The following CNTNAP2 variants were observed in gnomAD, a reference collection of about 807,000 sequenced individuals.
The protein encoded by CNTNAP2 is contactin-associated protein-like 2.
Under a neutral mutation model 155.2 loss-of-function variants are expected in CNTNAP2, and 98 were observed. That is an observed-to-expected ratio of 0.63 (90% CI 0.54 to 0.75). The LOEUF (loss-of-function observed/expected upper bound fraction) is 0.75, where lower values mean the gene tolerates loss of function less well. Among genes scored for constraint, CNTNAP2 ranks in the 30% least tolerant of loss-of-function variants. CNTNAP2 has a pLI of 0.00. For missense variants in CNTNAP2, 1,727 were observed against 1,688.1 expected, an observed-to-expected ratio of 1.02 and a Z score of -0.40; for synonymous variants, 651 against 631.2, an observed-to-expected ratio of 1.03 and a Z score of -0.47.
At chr7:147,980,251 C>T (rs1801498240) in intron 15 of CNTNAP2, among the ~76,000 whole-genome samples, 1 of 138,032 alleles carries the variant, frequency 7.2e-6, no homozygotes, top group Middle Eastern at 3.2e-3. Flanking sequence ...AGGTGTATTT[C>T]AGGCAGACTT....
At position 147,121,039 on chromosome 7, in the gene CNTNAP2, A is replaced by G. The variant is rs772500302; in HGVS notation, c.815A>G (p.Asp272Gly). 5.0e-6 allele frequency: 8 copies of G among 1,613,926 alleles called. No homozygotes were observed. The highest frequency in any genetic ancestry group is 5.9e-6 in the Non-Finnish European group (7 of 1,180,010). ...HTSVMTGSLLDDHHWHSVVIE... is the reference protein window; with the variant it reads ...HTSVMTGSLLGDHHWHSVVIE... ...TCAGTGATGACAGGAAGTTTGCTGG[A>G]TGACCACCACTGGCACTCTGTGGTC... Residue 272 changes from aspartate to glycine, a missense_variant, in exon 6 of 24, where the codon GAT becomes GGT. Transcript: ENST00000361727.
chr7:148,179,289 A>T (rs1015015609), intron 18 of CNTNAP2, among the ~76,000 whole-genome samples: 3 of 152,140 alleles, frequency 2.0e-5, no homozygotes, highest in Non-Finnish European at 2.9e-5. Flanking sequence ...TGGGAAGATC[A>T]TGTGAGCCCA....
chr7:147,588,348 G>A (rs1415328748), intron 12 of CNTNAP2, among the ~76,000 whole-genome samples: 7 of 152,114 alleles, frequency 4.6e-5, no homozygotes, highest in African/African-American at 1.7e-4. Context: ...GAACCAGATT[G>A]CTGGGGTAGT....
chr7:146,218,507 T>TCAAAAA lies in CNTNAP2; in HGVS notation c.97+101557_97+101562dup, dbSNP rs551242093. ...CTGGGTGACAGAGTGAGACTCTGTC[T>TCAAAAA]CAAAAACAAAAACAAAAACAAAAAC... On this transcript the variant is annotated intron_variant, in intron 1 of 23. Coordinates refer to ENST00000361727, the MANE Select transcript of CNTNAP2 (RefSeq NM_014141.6). 4.6e-3 allele frequency among the ~76,000 whole-genome samples: 665 copies of TCAAAAA among 145,780 alleles called. 5 individuals are homozygous for TCAAAAA. Among genetic ancestry groups the TCAAAAA allele is most frequent in the Admixed American group, 0.013 (180 of 14,146 alleles).
chr7:147,533,121 A>C (rs1164484196), intron 11 of CNTNAP2, among the ~76,000 whole-genome samples: 2 of 152,232 alleles, frequency 1.3e-5, no homozygotes, highest in Non-Finnish European at 2.9e-5. Flanking sequence ...GAACACATAG[A>C]TTATAATGAC....
intron 15 of CNTNAP2, among the ~76,000 whole-genome samples, chr7:148,099,563 A>C (rs899425060): frequency 6.6e-6 from 1 of 151,860 alleles, no homozygotes; most frequent in African/African-American, 2.4e-5. Context: ...ATAAATGAGA[A>C]GGTCCCCTTT....
At chr7:148,020,290 TTTATC>T (rs1189788107) in intron 15 of CNTNAP2, among the ~76,000 whole-genome samples, 1 of 152,216 alleles carries the variant, frequency 6.6e-6, no homozygotes, top group Non-Finnish European at 1.5e-5. Flanking sequence ...AAAAGAAAGT[TTTATC>T]TTCTATACTG....
intron 3 of CNTNAP2, among the ~76,000 whole-genome samples, chr7:146,982,376 G>GT (rs998038354): frequency 6.6e-6 from 1 of 151,922 alleles, no homozygotes. Flanking sequence ...CATTCTTTGT[G>GT]TTTTTTTGAG....
At chr7:148,052,923 T>A (rs963512159) in intron 15 of CNTNAP2, among the ~76,000 whole-genome samples, 4 of 152,168 alleles carry the variant, frequency 2.6e-5, no homozygotes, top group Non-Finnish European at 5.9e-5. Context: ...GGCGCACGCC[T>A]GTAGTCCCAG....
At chr7:147,234,417 A>AAGC (rs1447562897) in intron 8 of CNTNAP2, among the ~76,000 whole-genome samples, 1 of 140,684 alleles carries the variant, frequency 7.1e-6, no homozygotes. Context: ...GGCTCACTGC[A>AAGC]AGCTCCGCCT....
chr7:146,960,846 A>G (rs1448247322), intron 3 of CNTNAP2, among the ~76,000 whole-genome samples: 1 of 152,140 alleles, frequency 6.6e-6, no homozygotes, highest in African/African-American at 2.4e-5. Context: ...CTGCCCATGT[A>G]GGTCTCCTTT....
intron 21 of CNTNAP2, among the ~76,000 whole-genome samples, chr7:148,279,605 A>C (rs998548413): frequency 6.6e-6 from 1 of 152,118 alleles, no homozygotes; most frequent in Admixed American, 6.5e-5. Context: ...CAGAAACCGA[A>C]CACCACCTGT....
At chr7:146,938,023 A>G (rs936539338) in intron 3 of CNTNAP2, among the ~76,000 whole-genome samples, 1 of 152,190 alleles carries the variant, frequency 6.6e-6, no homozygotes, top group Non-Finnish European at 1.5e-5. Flanking sequence ...CACCCTGAAG[A>G]TGTAACAGTC....
At chr7:147,776,696 T>A (rs1405354716) in intron 13 of CNTNAP2, among the ~76,000 whole-genome samples, 2 of 152,118 alleles carry the variant, frequency 1.3e-5, no homozygotes, top group Non-Finnish European at 2.9e-5. Context: ...TACTAAAAGC[T>A]TGAAAATTTT....
chr7:147,891,249 G>T (rs1799688413), intron 13 of CNTNAP2, among the ~76,000 whole-genome samples: 1 of 151,356 alleles, frequency 6.6e-6, no homozygotes, highest in Non-Finnish European at 1.5e-5. Context: ...CTGTCGCCCA[G>T]GCTGGAGCGC....
intron 1 of CNTNAP2, among the ~76,000 whole-genome samples, chr7:146,352,808 T>A (rs370505427): frequency 5.7e-5 from 8 of 139,496 alleles, no homozygotes; most frequent in South Asian, 4.6e-4. Flanking sequence ...AGGCTGGAGT[T>A]CAGTGGTGCG....
At chr7:147,519,318 G>A (rs1025982917) in intron 11 of CNTNAP2, among the ~76,000 whole-genome samples, 2 of 152,068 alleles carry the variant, frequency 1.3e-5, no homozygotes, top group Non-Finnish European at 2.9e-5. Flanking sequence ...TTCTCACATC[G>A]CATTGCTCTG....
chr7:146,924,052 G>A (rs187092734), intron 3 of CNTNAP2, among the ~76,000 whole-genome samples: 297 of 151,696 alleles, frequency 2.0e-3, no homozygotes, highest in African/African-American at 6.8e-3. Flanking sequence ...TTCTTCTGCC[G>A]CGGTTCTTGG....
chr7:147,235,318 G>C lies in CNTNAP2; in HGVS notation c.1349-64823G>C, dbSNP rs138384754. Among the ~76,000 whole-genome samples the C allele has an allele frequency of 2.2e-3, 325 of 149,736 alleles. 1 individual carries two copies. The highest frequency in any genetic ancestry group is 4.1e-3 in the Non-Finnish European group (275 of 67,642). On this transcript the variant is annotated intron_variant, in intron 8 of 23. Coordinates refer to ENST00000361727, the MANE Select transcript of CNTNAP2 (RefSeq NM_014141.6). ...ATTACCTGAGACAATTCCTTACAAT[G>C]AACCTTTTTATAGAGATGGAGTTTT...
Sources: gnomAD v4.1 joint callset for allele counts (sites outside exome capture counted in the v4.1 genomes callset) on GRCh38, gnomAD v4.1.1 for gene constraint, MANE v1.5 for transcripts, NCBI Gene and HGNC (gene_info 2026-07-23, HGNC 2026-07-21) for gene names.